Variants in NOL4 observed in about 807,000 individuals in gnomAD.
NOL4 encodes the protein nucleolar protein 4.
In NOL4, 17 loss-of-function variants were observed where a neutral mutation model predicts 75.9. That is an observed-to-expected ratio of 0.22 (90% CI 0.15 to 0.34). The LOEUF is 0.34. Ranked by LOEUF, NOL4 falls within the 10% of genes least tolerant of loss-of-function variation. The pLI is 1.00. For synonymous variants in NOL4, 292 were observed against 289.9 expected (o/e 1.01, Z -0.07); for missense variants, 614 against 793.5 (o/e 0.77, Z 2.72).
chr18:33,952,383 A>T (rs1053708545), intron 8 of NOL4, among the ~76,000 whole-genome samples: 3 of 152,246 alleles, frequency 2.0e-5, no homozygotes, highest in African/African-American at 7.2e-5. Flanking sequence ...AAGAAGGAGC[A>T]GCAGTCTCAT....
chr18:34,124,651 T>C (rs2080300357), intron 2 of NOL4, among the ~76,000 whole-genome samples: 1 of 152,252 alleles, frequency 6.6e-6, no homozygotes, highest in South Asian at 2.1e-4. Context: ...ATGCTTGTAA[T>C]CCCAGCACTT....
chr18:34,192,877 A>G (rs989838263), intron 1 of NOL4, among the ~76,000 whole-genome samples: 1 of 152,158 alleles, frequency 6.6e-6, no homozygotes, highest in Non-Finnish European at 1.5e-5. Context: ...ATAAGAAGCA[A>G]GTTAGGCCCC....
At chr18:34,056,804 C>A (rs2076852732) in intron 5 of NOL4, among the ~76,000 whole-genome samples, 3 of 152,108 alleles carry the variant, frequency 2.0e-5, no homozygotes, top group Admixed American at 2.0e-4. Flanking sequence ...CAACAGAGTT[C>A]TTAAAAAGGG....
At chr18:34,159,990 C>A (rs1444481798) in intron 1 of NOL4, among the ~76,000 whole-genome samples, 1 of 152,078 alleles carries the variant, frequency 6.6e-6, no homozygotes, top group Non-Finnish European at 1.5e-5. Context: ...GTAGGGGCAC[C>A]CGTAATGGAC....
intron 6 of NOL4, among the ~76,000 whole-genome samples, chr18:33,967,424 C>T (rs989303199): frequency 9.2e-5 from 14 of 152,118 alleles, no homozygotes; most frequent in Admixed American, 9.2e-4. Flanking sequence ...TAATTTATCA[C>T]TGAGTCCTCA....
chr18:33,912,075 T>C (rs940638816), intron 9 of NOL4, among the ~76,000 whole-genome samples: 19 of 152,104 alleles, frequency 1.2e-4, no homozygotes, highest in African/African-American at 4.3e-4. Flanking sequence ...AAGTCAATTC[T>C]CTATAATATG....
At chr18:34,000,879 A>G (rs2146223224) in intron 6 of NOL4, among the ~76,000 whole-genome samples, 1 of 152,292 alleles carries the variant, frequency 6.6e-6, no homozygotes, top group African/African-American at 2.4e-5. Flanking sequence ...GTTATAACAA[A>G]GAAGTTATTA....
chr18:33,860,782 G>A (rs1299384667), intron 10 of NOL4, among the ~76,000 whole-genome samples: 76 of 147,136 alleles, frequency 5.2e-4, no homozygotes, highest in African/African-American at 1.5e-3. Flanking sequence ...GTCACAGATA[G>A]CTCTTATTAT....
intron 6 of NOL4, among the ~76,000 whole-genome samples, chr18:33,997,674 A>G (rs2073396053): frequency 2.7e-5 from 4 of 148,448 alleles, no homozygotes; most frequent in Admixed American, 2.0e-4. Flanking sequence ...AAATATATAC[A>G]CATATACTTT....
chr18:34,026,497 T>TCACTAA (rs1468986538), intron 5 of NOL4, among the ~76,000 whole-genome samples: 2 of 152,140 alleles, frequency 1.3e-5, no homozygotes, highest in Non-Finnish European at 2.9e-5. Flanking sequence ...CAGAGTTGCT[T>TCACTAA]CACTAACCCC....
chr18:34,127,247 A>G (rs1346207753), intron 2 of NOL4, among the ~76,000 whole-genome samples: 1 of 151,962 alleles, frequency 6.6e-6, no homozygotes, highest in East Asian at 1.9e-4. Flanking sequence ...TTAATCCAAC[A>G]TTAAAGGACC....
chr18:34,131,073 G>GACACACAC lies in NOL4; in HGVS notation c.265-1061_265-1054dup, dbSNP rs35968611. On this transcript the variant is annotated intron_variant, in intron 1 of 10. Transcript: ENST00000261592. ...ACACATACACACACACACATACACCGACACACACACACACACACACACACA... is the reference window on the plus strand; with the variant it reads ...ACACATACACACACACACATACACCGACACACACACACACACACACACACACACACACA... Among the ~76,000 whole-genome samples the GACACACAC allele has an allele frequency of 6.0e-3, 871 of 145,430 alleles. 4 individuals carry two copies. Among genetic ancestry groups the GACACACAC allele is most frequent in the African/African-American group, 0.02 (806 of 39,606 alleles).
At chr18:33,920,026 C>T (rs2066937333) in intron 9 of NOL4, among the ~76,000 whole-genome samples, 1 of 152,076 alleles carries the variant, frequency 6.6e-6, no homozygotes, top group Non-Finnish European at 1.5e-5. Flanking sequence ...TCATGTTTCA[C>T]CTTATTCTTT....
chr18:33,861,117 C>T (rs1011301706), intron 10 of NOL4, among the ~76,000 whole-genome samples: 8 of 151,990 alleles, frequency 5.3e-5, no homozygotes, highest in Admixed American at 2.6e-4. Flanking sequence ...TGTCTCTGCC[C>T]GGCTTTGGTA....
intron 10 of NOL4, among the ~76,000 whole-genome samples, chr18:33,855,715 C>G (rs2062807031): frequency 6.6e-6 from 1 of 152,032 alleles, no homozygotes; most frequent in Non-Finnish European, 1.5e-5. Context: ...TTAAGCTCCA[C>G]ACACCAAAAC....
intron 1 of NOL4, among the ~76,000 whole-genome samples, chr18:34,190,132 C>T (rs187737794): frequency 5.9e-5 from 9 of 151,536 alleles, no homozygotes; most frequent in Admixed American, 2.6e-4. Flanking sequence ...AGTATCCAAA[C>T]GAATTTCAAC....
intron 5 of NOL4, among the ~76,000 whole-genome samples, chr18:34,040,088 T>C (rs2076075765): frequency 6.6e-6 from 1 of 151,990 alleles, no homozygotes; most frequent in African/African-American, 2.4e-5. Flanking sequence ...ATAGGTCTGT[T>C]GGGATGCAAT....
intron 2 of NOL4, among the ~76,000 whole-genome samples, chr18:34,122,964 T>C (rs963928939): frequency 6.6e-6 from 1 of 152,124 alleles, no homozygotes; most frequent in Non-Finnish European, 1.5e-5. Flanking sequence ...AGTAGTAATT[T>C]ACTAGGCTGT....
intron 5 of NOL4, among the ~76,000 whole-genome samples, chr18:34,060,068 G>A (rs2077008103): frequency 6.6e-6 from 1 of 152,138 alleles, no homozygotes; most frequent in Non-Finnish European, 1.5e-5. Flanking sequence ...TCAACTCACA[G>A]AATCACAAGA....
Sources: allele counts gnomAD v4.1 joint callset (sites outside exome capture counted in the v4.1 genomes callset), GRCh38; gene constraint gnomAD v4.1.1; transcripts MANE v1.5; gene names NCBI Gene and HGNC (gene_info 2026-07-23, HGNC 2026-07-21).